The following AVL9 variants were observed in gnomAD, a reference collection of about 807,000 sequenced individuals.
AVL9 encodes the protein late secretory pathway protein AVL9 homolog.
A neutral mutation model predicts 79.2 loss-of-function variants in AVL9; 49 were observed. That is an observed-to-expected ratio of 0.62 (90% CI 0.49 to 0.79). The LOEUF (loss-of-function observed/expected upper bound fraction) is 0.79. Among genes scored for constraint, AVL9 ranks in the 30% least tolerant of loss-of-function variants. The pLI is 0.00. For missense variants in AVL9, 682 were observed against 776.8 expected, an observed-to-expected ratio of 0.88 and a Z score of 1.45; for synonymous variants, 299 against 280.6, an observed-to-expected ratio of 1.07 and a Z score of -0.65.
chr7:32,576,671 A>T (rs1791115473), intron 13 of AVL9, among the ~76,000 whole-genome samples: 1 of 152,142 alleles, frequency 6.6e-6, no homozygotes, highest in Non-Finnish European at 1.5e-5. Context: ...CTGTAATCCC[A>T]GCTATTTGGG....
intron 1 of AVL9, among the ~76,000 whole-genome samples, chr7:32,503,334 C>A (rs11974797): frequency 0.25 from 21,859 of 88,564 alleles, 2,240 homozygotes; most frequent in South Asian, 0.39. Flanking sequence ...ATATATATAT[C>A]TATATATATA....
Position 32,570,049 on chromosome 7 carries a change from G to A in AVL9, c.1245G>A (p.Leu415=). The change falls in exon 11 of 16, where the codon TTG becomes TTA. Residue 415 remains leucine, a synonymous_variant. Coordinates refer to ENST00000318709, the MANE Select transcript of AVL9 (RefSeq NM_015060.3). ...ATCTGTGTTTGCCTTACATGGCATT[G>A]CAGCAGCATCATCTTCTCTCCGATG... ...KGYLCLPYMA[L]QQHHLLSDVT... The A allele has an allele frequency of 6.2e-7, 1 of 1,614,138 alleles. No individual in the cohort carries two copies. The highest frequency in any genetic ancestry group is 1.1e-5 in the South Asian group (1 of 91,086).
Position 32,575,972 on chromosome 7 carries a change from T to C in AVL9, c.1588T>C (p.Ser530Pro), listed in dbSNP as rs567977161. 150 of 1,611,950 alleles carry C rather than the reference T, an allele frequency of 9.3e-5. No individual in the cohort carries two copies. The highest frequency in any genetic ancestry group is 2.2e-4 in the South Asian group (20 of 91,028). ...TLQLDNEKIL[S>P]DYGTTFVTAW... ...CTTGACAGACAATGAAAAGATATTA[T>C]CGGACTATGGGACAACTTTTGTTAC... Residue 530 changes from serine to proline, a missense_variant, in exon 13 of 16, where the codon TCG becomes CCG. Coordinates refer to ENST00000318709, the MANE Select transcript of AVL9 (RefSeq NM_015060.3).
chr7:32,527,041 G>T (rs1788431206), intron 1 of AVL9, among the ~76,000 whole-genome samples: 1 of 150,760 alleles, frequency 6.6e-6, no homozygotes, highest in African/African-American at 2.5e-5. Flanking sequence ...TAGGGCCAAG[G>T]ACTATCACAG....
chr7:32,517,984 C>T (rs1380374082), intron 1 of AVL9, among the ~76,000 whole-genome samples: 1 of 152,082 alleles, frequency 6.6e-6, no homozygotes, highest in Non-Finnish European at 1.5e-5. Flanking sequence ...GCATGTGCCA[C>T]CATGCCTGGC....
Position 32,585,688 on chromosome 7 carries a change from TTG to T in AVL9, c.*1785_*1786del, listed in dbSNP as rs1381221495. On this transcript the variant is annotated 3_prime_UTR_variant, in exon 16 of 16. Coordinates refer to ENST00000318709, the MANE Select transcript of AVL9 (RefSeq NM_015060.3). ...TCTAAATGTCTCTAAATTTTCCACT[TTG>T]TGTTTTCTAAACACAAATTGTATTA... The T allele has an allele frequency of 6.6e-6, 1 of 152,218 alleles. No individual in the cohort carries two copies. The highest frequency in any genetic ancestry group is 2.4e-5 in the African/African-American group (1 of 41,470). The allele number at this position is 152,218 out of a possible 1,614,324, so 9.4% of individuals were successfully genotyped here. A position where few individuals can be genotyped will look rare whatever the true frequency, so the allele number is the denominator to read the frequency against.
At chr7:32,539,768 G>T (rs1039688955) in intron 1 of AVL9, among the ~76,000 whole-genome samples, 2 of 152,118 alleles carry the variant, frequency 1.3e-5, no homozygotes, top group African/African-American at 4.8e-5. Flanking sequence ...TGTTGGCTGG[G>T]CTCCATTTCT....
At chr7:32,528,427 C>A (rs1053717793) in intron 1 of AVL9, among the ~76,000 whole-genome samples, 1 of 152,140 alleles carries the variant, frequency 6.6e-6, no homozygotes, top group South Asian at 2.1e-4. Flanking sequence ...TTTTGGTTTA[C>A]AGCTTCTAAC....
At chr7:32,531,638 G>A (rs1343147443) in intron 1 of AVL9, 1 of 152,104 alleles carries the variant, frequency 6.6e-6, no homozygotes, top group Non-Finnish European at 1.5e-5. Context: ...AGCGAATGAG[G>A]TGGGAACTGG....
intron 11 of AVL9, among the ~76,000 whole-genome samples, chr7:32,572,044 C>A (rs918775781): frequency 1.1e-3 from 164 of 151,990 alleles, no homozygotes; most frequent in African/African-American, 3.8e-3. Context: ...TGCCTGTAAT[C>A]CCAGCTACGC....
chr7:32,585,767 T>C lies in AVL9; in HGVS notation c.*1860T>C, dbSNP rs1013245525. 1 of 152,252 alleles carries C rather than the reference T, an allele frequency of 6.6e-6. No homozygotes were observed. Among genetic ancestry groups the C allele is most frequent in the Non-Finnish European group, 1.5e-5 (1 of 68,052 alleles). The allele number at this position is 152,252 out of a possible 1,614,324, so 9.4% of individuals were successfully genotyped here. A position where few individuals can be genotyped will look rare whatever the true frequency, so the allele number is the denominator to read the frequency against. ...AGCGATGATAAATTGAAGGGCTGAA[T>C]GTGAGAACTCCATTAATTCCACTTC... is the stretch of plus-strand genomic sequence containing the variant. On this transcript the variant is annotated 3_prime_UTR_variant, in exon 16 of 16. Coordinates refer to ENST00000318709, the MANE Select transcript of AVL9 (RefSeq NM_015060.3).
intron 1 of AVL9, among the ~76,000 whole-genome samples, chr7:32,497,759 C>T (rs1162751660): frequency 3.3e-5 from 5 of 151,522 alleles, no homozygotes; most frequent in African/African-American, 1.2e-4. Context: ...TCACACCATT[C>T]TCCTGCCTCA....
Position 32,584,709 on chromosome 7 carries a change from G to A in AVL9, c.*802G>A, listed in dbSNP as rs1791684328. 1.4e-5 allele frequency: 2 copies of A among 139,914 alleles called. No individual in the cohort carries two copies. Among genetic ancestry groups the A allele is most frequent in the South Asian group, 4.4e-4 (2 of 4,562 alleles). 8.7% of individuals were successfully genotyped at this position (139,914 alleles called of 1,614,324 possible). ...GTGTTTATTTTTCAACCGCAGTCAT[G>A]TTGCAGTCTTACAAGCACTTTTTTT... On this transcript the variant is annotated 3_prime_UTR_variant, in exon 16 of 16. Coordinates refer to ENST00000318709, the MANE Select transcript of AVL9 (RefSeq NM_015060.3).
At chr7:32,578,579 G>T (rs1791203594) in intron 13 of AVL9, among the ~76,000 whole-genome samples, 1 of 152,164 alleles carries the variant, frequency 6.6e-6, no homozygotes, top group Non-Finnish European at 1.5e-5. Flanking sequence ...AGGCTGAGGT[G>T]GGCGGATCAC....
chr7:32,573,109 G>A, intron 11 of AVL9, 90 bp from the exon 12 acceptor site: 1 of 979,930 alleles, frequency 1.0e-6, no homozygotes, highest in Non-Finnish European at 1.6e-6. Context: ...TTTATTTCCA[G>A]CTCCACCTTC....
rs1241146672 is a variant in AVL9 at position 32,587,093 on chromosome 7, C to T, written c.*3186C>T. ...AAACCAGAGCATATGATGTAACTTGCTCAACCTTATCTTCCTTTCCAAATT... is the reference window on the plus strand; with the variant it reads ...AAACCAGAGCATATGATGTAACTTGTTCAACCTTATCTTCCTTTCCAAATT... On this transcript the variant is annotated 3_prime_UTR_variant, in exon 16 of 16. Transcript: ENST00000318709. The T allele has an allele frequency of 2.0e-5, 3 of 152,192 alleles. No homozygotes were observed. The highest frequency in any genetic ancestry group is 2.9e-5 in the Non-Finnish European group (2 of 68,042). 9.4% of individuals were successfully genotyped at this position (152,192 alleles called of 1,614,324 possible). A position where few individuals can be genotyped will look rare whatever the true frequency, so the allele number is the denominator to read the frequency against.
At chr7:32,546,111 A>G (rs1789491681) in intron 3 of AVL9, among the ~76,000 whole-genome samples, 1 of 127,712 alleles carries the variant, frequency 7.8e-6, no homozygotes, top group Non-Finnish European at 1.6e-5. Flanking sequence ...TTTTCCTCCT[A>G]GTGACTGAAT....
At chr7:32,550,936 T>G (rs1220546659) in intron 4 of AVL9, among the ~76,000 whole-genome samples, 1 of 152,208 alleles carries the variant, frequency 6.6e-6, no homozygotes, top group Non-Finnish European at 1.5e-5. Flanking sequence ...TTGGATACTT[T>G]CTATGTGTCA....
In AVL9 at chr7:32,586,318, A is replaced by T. The variant is rs1791775850; in HGVS notation, c.*2411A>T. On this transcript the variant is annotated 3_prime_UTR_variant, in exon 16 of 16. Coordinates refer to ENST00000318709, the MANE Select transcript of AVL9 (RefSeq NM_015060.3). ...TCAGAAGATACAACTTTCATCATAG[A>T]AATGGTCAAAAGACCATAGCTATAT... is the stretch of plus-strand genomic sequence containing the variant. 6.6e-6 allele frequency: 1 copy of T among 152,208 alleles called. No individual in the cohort carries two copies. Among genetic ancestry groups the T allele is most frequent in the South Asian group, 2.1e-4 (1 of 4,816 alleles). The allele number at this position is 152,208 out of a possible 1,614,324, so 9.4% of individuals were successfully genotyped here.
Sources: allele counts gnomAD v4.1 joint callset (sites outside exome capture counted in the v4.1 genomes callset), GRCh38; gene constraint gnomAD v4.1.1; transcripts MANE v1.5; gene names NCBI Gene and HGNC (gene_info 2026-07-23, HGNC 2026-07-21).